The following FARP1 variants were observed in gnomAD, a reference collection of about 807,000 sequenced individuals.
FARP1 encodes the protein FERM, ARHGEF and pleckstrin domain-containing protein 1.
In FARP1, 52 loss-of-function variants were observed where a neutral mutation model predicts 128.8. That is an observed-to-expected ratio of 0.40 (90% CI 0.32 to 0.51). The LOEUF (loss-of-function observed/expected upper bound fraction) is 0.51, where lower values mean the gene tolerates loss of function less well. Ranked by LOEUF, FARP1 falls within the 20% of genes least tolerant of loss-of-function variation. FARP1 has a pLI of 0.45. For missense variants in FARP1, 1,333 were observed against 1,367.9 expected (o/e 0.97, Z 0.40); for synonymous variants, 580 against 551.8 (o/e 1.05, Z -0.72).
intron 2 of FARP1, among the ~76,000 whole-genome samples, chr13:98,304,685 A>G (rs1421837356): frequency 1.3e-5 from 2 of 152,214 alleles, no homozygotes; most frequent in Non-Finnish European, 2.9e-5. Flanking sequence ...AAACTGATGA[A>G]CTGAGAAATT....
rs535799484 is a variant in FARP1 at position 98,197,795 on chromosome 13, C to T, written c.-23-15425C>T. The stretch of plus-strand genomic sequence containing the variant: ...GTCTACAGGCACCCGCCACCACGCC[C>T]GGCTAATTTTTTGTACTTTTTTAGT... On this transcript the variant is annotated intron_variant, in intron 1 of 26. Coordinates refer to ENST00000319562, the MANE Select transcript of FARP1 (RefSeq NM_005766.4). Among the ~76,000 whole-genome samples, 25 of 151,890 alleles carry T rather than the reference C, an allele frequency of 1.6e-4. No homozygotes were observed. In the South Asian group the frequency reaches 1.9e-3, roughly 11 times the overall value.
Position 98,304,644 on chromosome 13 carries a change from A to G in FARP1, c.172-39118A>G, listed in dbSNP as rs539782230. Reference sequence around the variant, plus strand: ...AGTTTCTTGCAGGCGGGCAGGTGCCATGATTTTAAGTGGTATCACCTTCGC... The same window carrying G: ...AGTTTCTTGCAGGCGGGCAGGTGCCGTGATTTTAAGTGGTATCACCTTCGC... On this transcript the variant is annotated intron_variant, in intron 2 of 26. Transcript: ENST00000319562. Among the ~76,000 whole-genome samples the G allele has an allele frequency of 2.4e-3, 367 of 152,346 alleles. 1 individual carries two copies. The highest frequency in any genetic ancestry group is 8.0e-3 in the African/African-American group (334 of 41,586).
At chr13:98,334,888 AC>A (rs1887677083) in intron 2 of FARP1, among the ~76,000 whole-genome samples, 1 of 152,088 alleles carries the variant, frequency 6.6e-6, no homozygotes, top group Non-Finnish European at 1.5e-5. Flanking sequence ...TAGACTTCAC[AC>A]CCTCCAGAAC....
At chr13:98,194,889 C>T (rs1594255377) in intron 1 of FARP1, among the ~76,000 whole-genome samples, 1 of 152,126 alleles carries the variant, frequency 6.6e-6, no homozygotes, top group East Asian at 1.9e-4. Context: ...AGGAAGTTTT[C>T]AAAAATTAAA....
chr13:98,197,358 C>G (rs1879623153), intron 1 of FARP1, among the ~76,000 whole-genome samples: 1 of 151,760 alleles, frequency 6.6e-6, no homozygotes, highest in Non-Finnish European at 1.5e-5. Context: ...CCCAGCTACT[C>G]GGGAGGCTGA....
At chr13:98,352,395 C>A (rs1213506934) in intron 3 of FARP1, among the ~76,000 whole-genome samples, 1 of 152,098 alleles carries the variant, frequency 6.6e-6, no homozygotes, top group African/African-American at 2.4e-5. Context: ...AGTAACTGCC[C>A]CTTGAGACGG....
At chr13:98,312,296 A>G (rs1283842836) in intron 2 of FARP1, among the ~76,000 whole-genome samples, 5 of 151,604 alleles carry the variant, frequency 3.3e-5, no homozygotes, top group Non-Finnish European at 4.4e-5. Context: ...GCCCGCTACC[A>G]CGCCTGGCTA....
rs542441668 is a variant in FARP1, at chr13:98,161,666, G to A, written c.-24+18174G>A. ...CAAGCCCTTGACTATATTGTGTGGC[G>A]ATTTCCCAGAATGTGTATAGAAGGC... On this transcript the variant is annotated intron_variant, in intron 1 of 26. Transcript: ENST00000319562. Among the ~76,000 whole-genome samples, 16 of 152,224 alleles carry A rather than the reference G, an allele frequency of 1.1e-4. No individual in the cohort carries two copies. The East Asian group carries it at 2.3e-3, about 22-fold the overall frequency.
At chr13:98,248,505 A>C (rs1237768067) in intron 2 of FARP1, among the ~76,000 whole-genome samples, 1 of 152,192 alleles carries the variant, frequency 6.6e-6, no homozygotes, top group African/African-American at 2.4e-5. Flanking sequence ...AGCTTCAGAA[A>C]TACTTTTGGA....
chr13:98,251,438 T>A (rs1177312437), intron 2 of FARP1, among the ~76,000 whole-genome samples: 1 of 152,118 alleles, frequency 6.6e-6, no homozygotes, highest in African/African-American at 2.4e-5. Flanking sequence ...ATCCCAGCAC[T>A]TTGGGAGGCT....
At chr13:98,308,033 C>CTTTTTTTTTT (rs10536692) in intron 2 of FARP1, among the ~76,000 whole-genome samples, 2 of 16,964 alleles carry the variant, frequency 1.2e-4, no homozygotes, top group African/African-American at 1.5e-4. Context: ...CACTCTCTCT[C>CTTTTTTTTTT]TTTTTTTTTT....
chr13:98,274,026 G>C (rs1445952453), intron 2 of FARP1, among the ~76,000 whole-genome samples: 1 of 152,142 alleles, frequency 6.6e-6, no homozygotes, highest in Non-Finnish European at 1.5e-5. Flanking sequence ...TGCTAGGTCT[G>C]GCTGTTGACT....
At chr13:98,413,337 A>T (rs1276539305) in intron 16 of FARP1, among the ~76,000 whole-genome samples, 1 of 152,186 alleles carries the variant, frequency 6.6e-6, no homozygotes, top group Non-Finnish European at 1.5e-5. Context: ...TGGTATTATG[A>T]ATATAAGAGA....
chr13:98,229,309 T>A (rs7325009), intron 2 of FARP1, among the ~76,000 whole-genome samples: 76,653 of 152,152 alleles, frequency 0.5, 22,589 homozygotes, highest in African/African-American at 0.83. Context: ...ACTTGCAGTG[T>A]GGGATTTTTT....
intron 1 of FARP1, among the ~76,000 whole-genome samples, chr13:98,199,289 A>T (rs1879784984): frequency 6.6e-6 from 1 of 152,064 alleles, no homozygotes; most frequent in African/African-American, 2.4e-5. Context: ...GGCTTTTAAA[A>T]TTCGTTTAAT....
intron 17 of FARP1, among the ~76,000 whole-genome samples, chr13:98,424,987 G>A (rs1891728267): frequency 6.6e-6 from 1 of 151,842 alleles, no homozygotes; most frequent in South Asian, 2.1e-4. Context: ...GTGGTCCACG[G>A]AAGCCAAAAG....
rs1324471831 is a variant in FARP1 at position 98,143,102 on chromosome 13, C to G, written c.-414C>G. The G allele has an allele frequency of 4.1e-5, 6 of 147,784 alleles. No homozygotes were observed. The highest frequency in any genetic ancestry group is 1.5e-4 in the African/African-American group (6 of 41,014). The allele number at this position is 147,784 out of a possible 1,614,324, so 9.2% of individuals were successfully genotyped here. On this transcript the variant is annotated 5_prime_UTR_variant, in exon 1 of 27. Coordinates refer to ENST00000319562, the MANE Select transcript of FARP1 (RefSeq NM_005766.4). ...GAGGGGCGGTGGCCACTGCACTTCC[C>G]GCTCGCCGGCCTCAGAGGCGGCGGG...
At chr13:98,189,511 G>T (rs910172265) in intron 1 of FARP1, among the ~76,000 whole-genome samples, 1 of 152,088 alleles carries the variant, frequency 6.6e-6, no homozygotes, top group East Asian at 1.9e-4. Flanking sequence ...AAGAAACCTG[G>T]TATTATAATG....
In FARP1 at chr13:98,244,448, G is replaced by T. The variant is rs146316610; in HGVS notation, c.171+31035G>T. On this transcript the variant is annotated intron_variant, in intron 2 of 26. Transcript: ENST00000319562. ...GTTTTTTAAAAAACAACAACAAAAA[G>T]CGCCTTTTCAAGGGAGTAGCATTTG... The T allele has an allele frequency of 2.2e-5, 34 of 1,556,048 alleles. 2 individuals carry two copies. Among genetic ancestry groups the T allele is most frequent in the East Asian group, 6.8e-5 (3 of 44,124 alleles).
Sources: gnomAD v4.1 joint callset for allele counts (sites outside exome capture counted in the v4.1 genomes callset) on GRCh38, gnomAD v4.1.1 for gene constraint, MANE v1.5 for transcripts, NCBI Gene and HGNC (gene_info 2026-07-23, HGNC 2026-07-21) for gene names.